The following STRN3 variants were observed in gnomAD, a reference collection of about 807,000 sequenced individuals.
STRN3 encodes the protein striatin 3.
Under a neutral mutation model 95.6 loss-of-function variants are expected in STRN3, and 29 were observed. That is an observed-to-expected ratio of 0.30 (90% CI 0.23 to 0.41). The LOEUF (loss-of-function observed/expected upper bound fraction) is 0.41. Ranked by LOEUF, STRN3 falls within the 10% of genes least tolerant of loss-of-function variation. STRN3 has a pLI of 1.00. For missense variants in STRN3, 890 were observed against 972.1 expected, an observed-to-expected ratio of 0.92 and a Z score of 1.12; for synonymous variants, 331 against 357.6, an observed-to-expected ratio of 0.93 and a Z score of 0.84.
chr14:30,982,556 C>T (rs1014176674), intron 1 of STRN3, among the ~76,000 whole-genome samples: 3 of 152,160 alleles, frequency 2.0e-5, no homozygotes, highest in Non-Finnish European at 1.5e-5. Context: ...GTGATCTGCC[C>T]GTCTCGGCAT....
At chr14:30,982,131 GA>G (rs544432617) in intron 1 of STRN3, among the ~76,000 whole-genome samples, 6 of 145,258 alleles carry the variant, frequency 4.1e-5, no homozygotes, top group African/African-American at 5.0e-5. Flanking sequence ...ATTCCAAGGG[GA>G]AAAAAAAAGA....
chr14:31,004,637 G>C (rs772718947), intron 1 of STRN3, among the ~76,000 whole-genome samples: 11 of 152,038 alleles, frequency 7.2e-5, no homozygotes, highest in Non-Finnish European at 7.4e-5. Context: ...GCTGGGTATG[G>C]TGGCACATCC....
chr14:30,946,979 CAAAAA>C (rs569011885), intron 5 of STRN3, 106 bp downstream of exon 5: 371 of 445,778 alleles, frequency 8.3e-4, no homozygotes, highest in South Asian at 1.4e-3. Flanking sequence ...GACTCCGTGT[CAAAAA>C]AAAAAAAAAA....
intron 8 of STRN3, among the ~76,000 whole-genome samples, chr14:30,924,686 T>G (rs1896976517): frequency 6.6e-6 from 1 of 152,104 alleles, no homozygotes; most frequent in East Asian, 1.9e-4. Context: ...ACAGAGATCC[T>G]GTCTATTAAA....
Position 30,947,175 on chromosome 14 carries a change from G to C in STRN3, c.631C>G (p.Pro211Ala). 3 of 1,613,036 alleles carry C rather than the reference G, an allele frequency of 1.9e-6. No homozygotes were observed. Among genetic ancestry groups the C allele is most frequent in the Non-Finnish European group, 2.5e-6 (3 of 1,179,560 alleles). ...TTCTTTGTTTCTACTGATCCATTTG[G>C]TTCTGAATTAGATAGTCCAAGTAAT... ...RSLLGLSNSE[P>A]NGSVETKNLE... The change falls in exon 5 of 18, where the codon CCA becomes GCA. Residue 211 changes from proline (P) to alanine (A), a missense_variant. Coordinates refer to ENST00000357479, the MANE Select transcript of STRN3 (RefSeq NM_001083893.2).
intron 1 of STRN3, among the ~76,000 whole-genome samples, chr14:30,994,239 C>T (rs932142926): frequency 6.6e-6 from 1 of 152,140 alleles, no homozygotes; most frequent in Non-Finnish European, 1.5e-5. Flanking sequence ...GATTTGCCTG[C>T]CTCAGCCTCC....
intron 1 of STRN3, among the ~76,000 whole-genome samples, chr14:30,968,885 T>G (rs1345913993): frequency 6.6e-6 from 1 of 152,124 alleles, no homozygotes; most frequent in Non-Finnish European, 1.5e-5. Context: ...TAAAATATAC[T>G]TCTGGTAAAA....
chr14:30,996,104 C>T (rs1416074308), intron 1 of STRN3, among the ~76,000 whole-genome samples: 6 of 152,214 alleles, frequency 3.9e-5, no homozygotes, highest in Non-Finnish European at 7.3e-5. Flanking sequence ...TTCACAGACA[C>T]TGATTCTGAA....
chr14:30,953,730 C>T (rs904646044), intron 3 of STRN3, among the ~76,000 whole-genome samples: 2 of 152,112 alleles, frequency 1.3e-5, no homozygotes, highest in East Asian at 1.9e-4. Flanking sequence ...CCCGGGCTCA[C>T]GCAATCCTCC....
intron 15 of STRN3, among the ~76,000 whole-genome samples, chr14:30,903,405 A>AT (rs775857662): frequency 4.6e-5 from 7 of 151,904 alleles, no homozygotes; most frequent in African/African-American, 7.3e-5. Context: ...TTATAAAACA[A>AT]TTTTTTTTGT....
intron 5 of STRN3, among the ~76,000 whole-genome samples, chr14:30,940,308 T>TA (rs773802520): frequency 4.6e-5 from 7 of 152,288 alleles, no homozygotes; most frequent in Non-Finnish European, 7.4e-5. Flanking sequence ...CTTCTTGACT[T>TA]AGTCTCTCAG....
intron 8 of STRN3, among the ~76,000 whole-genome samples, chr14:30,924,305 T>TTTTTTTTTTTTTC (rs1896962618): frequency 7.7e-6 from 1 of 130,138 alleles, no homozygotes; most frequent in African/African-American, 2.8e-5. Context: ...TTTTTTTTTT[T>TTTTTTTTTTTTTC]TTGAGATGGT....
At chr14:30,955,562 G>T (rs578063183) in intron 3 of STRN3, 58 bp downstream of exon 3, 2 of 1,403,282 alleles carry the variant, frequency 1.4e-6, no homozygotes, top group South Asian at 1.3e-5. Flanking sequence ...AAGAGAACAT[G>T]TCTGTTACAT....
chr14:30,933,712 T>G (rs1269255744), intron 7 of STRN3, among the ~76,000 whole-genome samples: 2 of 152,192 alleles, frequency 1.3e-5, no homozygotes, highest in Non-Finnish European at 2.9e-5. Flanking sequence ...TTTCTCATGT[T>G]TGAATTAATG....
chr14:30,935,791 C>G (rs962606623), intron 6 of STRN3, among the ~76,000 whole-genome samples: 3 of 152,144 alleles, frequency 2.0e-5, no homozygotes, highest in Admixed American at 2.0e-4. Flanking sequence ...AAATAGACTA[C>G]GTTATACATA....
chr14:30,998,117 C>A (rs908662675), intron 1 of STRN3, among the ~76,000 whole-genome samples: 4 of 152,170 alleles, frequency 2.6e-5, no homozygotes, highest in African/African-American at 9.7e-5. Flanking sequence ...GGCAGAACAG[C>A]GTTGGAGCCC....
rs967964143 is a variant in STRN3, at chr14:30,912,449, A to G, written c.1375-267T>C. On this transcript the variant is annotated intron_variant, in intron 10 of 17. Coordinates refer to ENST00000357479, the MANE Select transcript of STRN3 (RefSeq NM_001083893.2). ...TTTTTACCTATTAAGCTAAACCCAA[A>G]GCTCCCATTAAATGTCAGATGAGAA... 14 of 272,760 alleles carry G rather than the reference A, an allele frequency of 5.1e-5. 1 individual carries two copies. The South Asian group carries it at 1.1e-3, about 22-fold the overall frequency. The allele number at this position is 272,760 out of a possible 1,614,324, so 16.9% of individuals were successfully genotyped here.
intron 5 of STRN3, among the ~76,000 whole-genome samples, chr14:30,943,738 A>G (rs1879204921): frequency 6.6e-6 from 1 of 152,246 alleles, no homozygotes; most frequent in East Asian, 1.9e-4. Context: ...TGACAACAAG[A>G]ATGAACCATG....
chr14:30,915,204 A>C lies in STRN3; in HGVS notation c.1241-1547T>G, dbSNP rs60829762. Among the ~76,000 whole-genome samples, 1,420 of 152,308 alleles carry C rather than the reference A, an allele frequency of 9.3e-3. 19 individuals are homozygous for C. The highest frequency in any genetic ancestry group is 0.032 in the African/African-American group (1,336 of 41,580). On this transcript the variant is annotated intron_variant, in intron 9 of 17. Coordinates refer to ENST00000357479, the MANE Select transcript of STRN3 (RefSeq NM_001083893.2). ...ATGATATAAATATGCTACAGGAAAC[A>C]CAACAGGTGTAATGAAACTTGACAG...
Sources: gnomAD v4.1 joint callset for allele counts (sites outside exome capture counted in the v4.1 genomes callset) on GRCh38, gnomAD v4.1.1 for gene constraint, MANE v1.5 for transcripts, NCBI Gene and HGNC (gene_info 2026-07-23, HGNC 2026-07-21) for gene names.